The following KLHL1 variants were observed in gnomAD, a reference collection of about 807,000 sequenced individuals.
KLHL1 encodes kelch like family member 1, also known as kelch-like protein 1.
Under a neutral mutation model 77.7 loss-of-function variants are expected in KLHL1, and 47 were observed. The observed-to-expected ratio is 0.60, with a 90% CI of 0.48 to 0.77. KLHL1 has a LOEUF of 0.77. KLHL1 is among the 30% of genes least tolerant of loss of function. KLHL1 has a pLI of 0.00. For synonymous variants in KLHL1, 360 were observed against 325.2 expected, an observed-to-expected ratio of 1.11 and a Z score of -1.15; for missense variants, 925 against 910.8, an observed-to-expected ratio of 1.02 and a Z score of -0.20.
At chr13:69,920,749 A>G (rs183459541) in intron 4 of KLHL1, among the ~76,000 whole-genome samples, 2 of 152,246 alleles carry the variant, frequency 1.3e-5, no homozygotes, top group African/African-American at 2.4e-5. Context: ...GAAGTTTTCC[A>G]TTCACAATTG....
intron 1 of KLHL1, among the ~76,000 whole-genome samples, chr13:70,093,453 C>T (rs1031824533): frequency 6.6e-6 from 1 of 152,102 alleles, no homozygotes; most frequent in African/African-American, 2.4e-5. Context: ...AAGAGTAATA[C>T]ATTTTTAATA....
At chr13:69,954,291 A>G (rs906760331) in intron 3 of KLHL1, among the ~76,000 whole-genome samples, 2 of 151,298 alleles carry the variant, frequency 1.3e-5, no homozygotes, top group Admixed American at 6.6e-5. Context: ...AATAAAGTGT[A>G]TAAGTATTTT....
intron 1 of KLHL1, among the ~76,000 whole-genome samples, chr13:70,000,624 C>G (rs1885264906): frequency 6.6e-6 from 1 of 151,638 alleles, no homozygotes; most frequent in African/African-American, 2.4e-5. Context: ...TGCAAAATCA[C>G]TGGAAATTAA....
intron 4 of KLHL1, among the ~76,000 whole-genome samples, chr13:69,892,550 G>A (rs1178781213): frequency 2.0e-5 from 3 of 151,976 alleles, no homozygotes; most frequent in Non-Finnish European, 2.9e-5. Context: ...TGTGTCAGGC[G>A]GTGCTCATTC....
At chr13:70,038,666 C>T (rs1379029891) in intron 1 of KLHL1, among the ~76,000 whole-genome samples, 1 of 134,108 alleles carries the variant, frequency 7.5e-6, no homozygotes, top group Non-Finnish European at 1.5e-5. Flanking sequence ...TCTCAGCTCA[C>T]TGTAACCTCT....
At chr13:69,829,772 T>C (rs1187766584) in intron 6 of KLHL1, among the ~76,000 whole-genome samples, 3 of 150,156 alleles carry the variant, frequency 2.0e-5, no homozygotes, top group African/African-American at 5.0e-5. Context: ...CCCTACAAGC[T>C]AGAAACTATT....
rs569935496 is a variant in KLHL1 at position 70,083,597 on chromosome 13, C to T, written c.497+23606G>A. Among the ~76,000 whole-genome samples, 17 of 152,194 alleles carry T rather than the reference C, an allele frequency of 1.1e-4. No homozygotes were observed. In the South Asian group the frequency reaches 3.5e-3, roughly 32 times the overall value. On this transcript the variant is annotated intron_variant, in intron 1 of 10. Coordinates refer to ENST00000377844, the MANE Select transcript of KLHL1 (RefSeq NM_020866.3). ...AAGATAACTACAAAAAGATATCAAA[C>T]AGGGTATATGCTGTCTAAATTATAT...
chr13:69,890,642 A>ACATG (rs1189738053), intron 4 of KLHL1, among the ~76,000 whole-genome samples: 191 of 148,842 alleles, frequency 1.3e-3, no homozygotes, highest in African/African-American at 4.5e-3. Context: ...TTCCACACAC[A>ACATG]CACGCACACA....
At chr13:70,006,991 A>C (rs1244456778) in intron 1 of KLHL1, among the ~76,000 whole-genome samples, 1 of 151,980 alleles carries the variant, frequency 6.6e-6, no homozygotes, top group Non-Finnish European at 1.5e-5. Flanking sequence ...AAAAGTTGAT[A>C]ATATTATTGA....
intron 3 of KLHL1, among the ~76,000 whole-genome samples, chr13:69,955,053 T>C (rs1196295750): frequency 6.6e-6 from 1 of 151,092 alleles, no homozygotes; most frequent in Non-Finnish European, 1.5e-5. Context: ...GTCTCTTAAA[T>C]CAAGAATAGA....
intron 4 of KLHL1, among the ~76,000 whole-genome samples, chr13:69,883,347 C>T (rs1247183725): frequency 6.6e-6 from 1 of 152,142 alleles, no homozygotes; most frequent in East Asian, 1.9e-4. Flanking sequence ...ACATTTCCTC[C>T]CTTACTTACT....
chr13:70,102,948 T>A (rs1476057932), intron 1 of KLHL1, among the ~76,000 whole-genome samples: 2 of 152,182 alleles, frequency 1.3e-5, no homozygotes, highest in Non-Finnish European at 2.9e-5. Context: ...CATACTCCTC[T>A]CCACTTGGAA....
At chr13:69,794,555 GA>G (rs931600278) in intron 7 of KLHL1, among the ~76,000 whole-genome samples, 1 of 143,982 alleles carries the variant, frequency 6.9e-6, no homozygotes, top group African/African-American at 2.6e-5. Context: ...AGAAAGAGGA[GA>G]GAGAGATTAA....
In KLHL1 at chr13:69,959,167, G is replaced by A. The variant is rs561714558; in HGVS notation, c.817+2141C>T. ...GCCCTCTACAAGCAGAGCCAAATCTGGGTCATTATTTCAGCAGGGAGCTTT... is the reference window on the plus strand; with the variant it reads ...GCCCTCTACAAGCAGAGCCAAATCTAGGTCATTATTTCAGCAGGGAGCTTT... On this transcript the variant is annotated intron_variant, in intron 3 of 10. Coordinates refer to ENST00000377844, the MANE Select transcript of KLHL1 (RefSeq NM_020866.3). Among the ~76,000 whole-genome samples, 5 of 152,078 alleles carry A rather than the reference G, an allele frequency of 3.3e-5. No homozygotes were observed. The South Asian group carries it at 1.0e-3, about 32-fold the overall frequency.
intron 6 of KLHL1, among the ~76,000 whole-genome samples, chr13:69,798,097 A>ATG (rs146238672): frequency 0.13 from 19,602 of 149,352 alleles, 1,602 homozygotes; most frequent in African/African-American, 0.24. Flanking sequence ...AAATGTTTAT[A>ATG]AGATAATATA....
At chr13:69,935,489 A>C (rs1163829217) in intron 4 of KLHL1, among the ~76,000 whole-genome samples, 2 of 152,180 alleles carry the variant, frequency 1.3e-5, no homozygotes, top group African/African-American at 4.8e-5. Context: ...CTAAAAAATA[A>C]AAAAGGAGTG....
At chr13:69,996,577 G>A (rs1453547126) in intron 1 of KLHL1, among the ~76,000 whole-genome samples, 2 of 152,078 alleles carry the variant, frequency 1.3e-5, no homozygotes, top group African/African-American at 4.8e-5. Flanking sequence ...ATTATTAGGG[G>A]AATCTAAACT....
chr13:69,820,272 C>A (rs1009467051), intron 6 of KLHL1, among the ~76,000 whole-genome samples: 2 of 152,298 alleles, frequency 1.3e-5, no homozygotes, highest in African/African-American at 4.8e-5. Context: ...TCCCCCATAA[C>A]AGGGTTCACA....
chr13:70,094,607 A>ATT (rs1045544595), intron 1 of KLHL1, among the ~76,000 whole-genome samples: 2 of 152,114 alleles, frequency 1.3e-5, no homozygotes, highest in African/African-American at 2.4e-5. Context: ...AAACCACCAC[A>ATT]TTGCATACCT....
Sources: allele counts gnomAD v4.1 joint callset (sites outside exome capture counted in the v4.1 genomes callset), GRCh38; gene constraint gnomAD v4.1.1; transcripts MANE v1.5; gene names NCBI Gene and HGNC (gene_info 2026-07-23, HGNC 2026-07-21).